The following PPP1R36 variants were observed in gnomAD, a reference collection of about 807,000 sequenced individuals.
The protein encoded by PPP1R36 is protein phosphatase 1 regulatory subunit 36, also known as chromosome 14 open reading frame 50.
A neutral mutation model predicts 53.4 loss-of-function variants in PPP1R36; 47 were observed. The ratio of observed to expected loss-of-function variants is 0.88; its 90% CI spans 0.70 to 1.12. The LOEUF (loss-of-function observed/expected upper bound fraction) is 1.12, where lower values mean the gene tolerates loss of function less well. PPP1R36 is among the 50% of genes most tolerant of loss of function. The probability of loss-of-function intolerance (pLI) is 0.00; values close to 1 mark genes in which losing one functional copy is unlikely to be tolerated. For missense variants in PPP1R36, 456 were observed against 513.9 expected (o/e 0.89, Z 1.09); for synonymous variants, 153 against 170.5 (o/e 0.90, Z 0.80).
At chr14:64,562,467 T>A (rs908850999) in intron 3 of PPP1R36, among the ~76,000 whole-genome samples, 2 of 151,582 alleles carry the variant, frequency 1.3e-5, no homozygotes, top group Middle Eastern at 3.4e-3. Flanking sequence ...AAAAAAAAAA[T>A]TTCAGTTATT....
rs748952343 is a variant in PPP1R36 at position 64,568,453 on chromosome 14, T to C, written c.533+6T>C. 1.0e-5 allele frequency: 14 copies of C among 1,349,530 alleles called. No individual in the cohort carries two copies. In the Middle Eastern group the frequency reaches 5.5e-4, roughly 53 times the overall value. 83.6% of individuals were successfully genotyped at this position (1,349,530 alleles called of 1,614,324 possible). A position where few individuals can be genotyped will look rare whatever the true frequency, so the allele number is the denominator to read the frequency against. On this transcript the variant is annotated splice_donor_region_variant and intron_variant, in intron 7 of 11. Transcript: ENST00000298705. ...AAACCCAAAAGCTATATGGTGTAAG[T>C]AAGATTTTATAGTGTGCTTTAGAGT... is the stretch of plus-strand genomic sequence containing the variant.
intron 8 of PPP1R36, among the ~76,000 whole-genome samples, chr14:64,584,259 G>A (rs1323850535): frequency 6.6e-6 from 1 of 152,166 alleles, no homozygotes; most frequent in African/African-American, 2.4e-5. Flanking sequence ...AAGAAAGTGT[G>A]TTTCCTGGGC....
chr14:64,571,665 C>T (rs1404773679), intron 7 of PPP1R36, among the ~76,000 whole-genome samples: 1 of 152,120 alleles, frequency 6.6e-6, no homozygotes, highest in Non-Finnish European at 1.5e-5. Context: ...CAATACCTGA[C>T]CGTATTGCTG....
At chr14:64,553,109 A>C (rs1373836537) in intron 3 of PPP1R36, among the ~76,000 whole-genome samples, 1 of 152,026 alleles carries the variant, frequency 6.6e-6, no homozygotes, top group African/African-American at 2.4e-5. Flanking sequence ...TCACACCACC[A>C]TGCCCAGCTT....
At chr14:64,583,075 A>T (rs8014530) in intron 8 of PPP1R36, among the ~76,000 whole-genome samples, 68,546 of 132,090 alleles carry the variant, frequency 0.52, 18,025 homozygotes, top group East Asian at 0.61. Flanking sequence ...ATATATATAT[A>T]TTTTTTTTTT....
At position 64,572,357 on chromosome 14, in the gene PPP1R36, T is replaced by C. The variant is rs1381045733; in HGVS notation, c.534-2098T>C. On this transcript the variant is annotated intron_variant, in intron 7 of 11. Coordinates refer to ENST00000298705, the MANE Select transcript of PPP1R36 (RefSeq NM_172365.3). ...ACTTTTAAAGAATGTGCTTTAAAAGTGAACCACTAACTGGCTTTGTATTTA... is the reference window on the plus strand; with the variant it reads ...ACTTTTAAAGAATGTGCTTTAAAAGCGAACCACTAACTGGCTTTGTATTTA... Among the ~76,000 whole-genome samples the C allele has an allele frequency of 2.6e-5, 4 of 152,238 alleles. No homozygotes were observed. In the East Asian group the frequency reaches 5.8e-4, roughly 22 times the overall value.
In PPP1R36 at chr14:64,589,175, G is replaced by A. The variant is rs372993750; in HGVS notation, c.1106G>A (p.Arg369Gln). Residue 369 changes from arginine (R) to glutamine (Q), a missense_variant, in exon 12 of 12, where the codon CGA (arginine) becomes CAA (glutamine). By Grantham distance (43) the Arg-to-Gln change is conservative (BLOSUM62 1). Coordinates refer to ENST00000298705, the MANE Select transcript of PPP1R36 (RefSeq NM_172365.3). ...MPVVGILGEPRCLFNPHTLHP... is the reference protein window; with the variant it reads ...MPVVGILGEPQCLFNPHTLHP... ...AGAGTTGGCATCTTGGGGGAGCCTCGATGTCTATTCAACCCACATACGCTT... is the reference window on the plus strand; with the variant it reads ...AGAGTTGGCATCTTGGGGGAGCCTCAATGTCTATTCAACCCACATACGCTT... 3.5e-5 allele frequency: 57 copies of A among 1,611,830 alleles called. No homozygotes were observed. Among genetic ancestry groups the A allele is most frequent in the Non-Finnish European group, 4.2e-5 (50 of 1,179,486 alleles).
chr14:64,585,253 C>T (rs370013907), intron 8 of PPP1R36, among the ~76,000 whole-genome samples: 7 of 152,306 alleles, frequency 4.6e-5, no homozygotes, highest in South Asian at 4.1e-4. Context: ...CCTTGGCTCA[C>T]GCCTGTCATC....
chr14:64,574,566 T>G lies in PPP1R36; in HGVS notation c.645T>G (p.Asp215Glu), dbSNP rs2080328581. Residue 215 changes from aspartate (D) to glutamate (E), a missense_variant, in exon 8 of 12, where the codon GAT becomes GAG. Transcript: ENST00000298705. ...CILVLGLAVP[D>E]KHHMCCGKEK... The stretch of plus-strand genomic sequence containing the variant: ...TTGTGCTGGGCTTGGCCGTGCCGGA[T>G]AAGCATCACATGTGCTGTGGAAAGT... The G allele has an allele frequency of 6.2e-7, 1 of 1,613,850 alleles. No homozygotes were observed. The highest frequency in any genetic ancestry group is 1.1e-5 in the South Asian group (1 of 91,010).
chr14:64,562,341 A>T (rs1228653087), intron 3 of PPP1R36, among the ~76,000 whole-genome samples: 5 of 152,054 alleles, frequency 3.3e-5, no homozygotes, highest in Admixed American at 6.6e-5. Flanking sequence ...GGCACCTGTA[A>T]TCCCAGCTAC....
intron 6 of PPP1R36, 37 bp downstream of exon 6, chr14:64,565,729 C>T (rs779909859): frequency 6.8e-7 from 1 of 1,476,532 alleles, no homozygotes; most frequent in Non-Finnish European, 9.5e-7. Context: ...GATCTTTTAT[C>T]CTTTATTTTT....
intron 9 of PPP1R36, 40 bp from the exon 10 acceptor site, chr14:64,587,154 A>C (rs371490117): frequency 2.0e-6 from 3 of 1,495,272 alleles, no homozygotes; most frequent in Non-Finnish European, 2.7e-6. Flanking sequence ...TTTCCATTTC[A>C]CAGCTAAGGA....
intron 6 of PPP1R36, among the ~76,000 whole-genome samples, chr14:64,567,365 T>TA (rs1041547023): frequency 4.6e-5 from 7 of 152,172 alleles, no homozygotes; most frequent in Non-Finnish European, 7.3e-5. Context: ...ATAATATTTT[T>TA]AAAAAAACCA....
chr14:64,563,465 AAAG>A (rs1452704102), intron 3 of PPP1R36, among the ~76,000 whole-genome samples: 13 of 151,436 alleles, frequency 8.6e-5, no homozygotes, highest in East Asian at 7.7e-4. Context: ...AAAAAAAAAA[AAAG>A]AAAGAAAAGA....
chr14:64,573,862 G>A (rs1057227852), intron 7 of PPP1R36, among the ~76,000 whole-genome samples: 2 of 125,190 alleles, frequency 1.6e-5, no homozygotes, highest in South Asian at 2.8e-4. Flanking sequence ...TCAGTGAGCC[G>A]AGTTCATGCC....
chr14:64,585,620 C>T (rs2080426702), intron 8 of PPP1R36, among the ~76,000 whole-genome samples: 1 of 151,844 alleles, frequency 6.6e-6, no homozygotes, highest in South Asian at 2.1e-4. Context: ...CAGAACCATC[C>T]TGAACTCCTA....
intron 2 of PPP1R36, chr14:64,551,696 C>T (rs183810620): frequency 1.1e-5 from 5 of 455,796 alleles, no homozygotes; most frequent in Admixed American, 7.1e-5. Flanking sequence ...CAGTAAGTAG[C>T]AGAACTGATA....
rs148902557 is a variant in PPP1R36, at chr14:64,560,219, T to C, written c.183-4532T>C. 5.1e-4 allele frequency among the ~76,000 whole-genome samples: 74 copies of C among 146,418 alleles called. 1 individual carries two copies. Among genetic ancestry groups the C allele is most frequent in the African/African-American group, 1.8e-3 (71 of 39,376 alleles). ...GCTTTGGGAGACTGAGGCAGGCAGA[T>C]GGCCTAAGCTCAAGAGTTTGAGACC... On this transcript the variant is annotated intron_variant, in intron 3 of 11. Transcript: ENST00000298705.
At chr14:64,581,233 T>C (rs1343991100) in intron 8 of PPP1R36, among the ~76,000 whole-genome samples, 1 of 152,186 alleles carries the variant, frequency 6.6e-6, no homozygotes, top group Non-Finnish European at 1.5e-5. Context: ...TCTGATTTGG[T>C]TAAGGTAGAG....
Sources: gnomAD v4.1 joint callset for allele counts (sites outside exome capture counted in the v4.1 genomes callset) on GRCh38, gnomAD v4.1.1 for gene constraint, MANE v1.5 for transcripts, NCBI Gene and HGNC (gene_info 2026-07-23, HGNC 2026-07-21) for gene names.